BBS9: variants seen among roughly 807,000 people sequenced by gnomAD.
BBS9 encodes Bardet-Biedl syndrome 9, also known as protein PTHB1.
In BBS9, 89 loss-of-function variants were observed where a neutral mutation model predicts 117.7. The observed-to-expected ratio is 0.76, with a 90% CI of 0.64 to 0.90. The LOEUF is 0.90. BBS9 is among the 40% of genes least tolerant of loss of function. BBS9 has a pLI of 0.00. For synonymous variants in BBS9, 379 were observed against 370.9 expected, an observed-to-expected ratio of 1.02 and a Z score of -0.25; for missense variants, 982 against 1,042.2, an observed-to-expected ratio of 0.94 and a Z score of 0.80.
chr7:33,310,643 C>T (rs1198812819), intron 9 of BBS9, among the ~76,000 whole-genome samples: 2 of 152,180 alleles, frequency 1.3e-5, no homozygotes, highest in Non-Finnish European at 2.9e-5. Flanking sequence ...GGGAGCAGTT[C>T]CCTACCCCAG....
intron 9 of BBS9, among the ~76,000 whole-genome samples, chr7:33,286,908 A>G (rs1156270825): frequency 2.6e-5 from 4 of 152,148 alleles, no homozygotes; most frequent in African/African-American, 9.7e-5. Flanking sequence ...ATATTTTCTT[A>G]GTTGCTTACT....
intron 21 of BBS9, among the ~76,000 whole-genome samples, chr7:33,629,634 CAA>C (rs2129228181): frequency 6.6e-6 from 1 of 152,266 alleles, no homozygotes; most frequent in African/African-American, 2.4e-5. Flanking sequence ...AGTAGGAGCT[CAA>C]GTGATACTAT....
intron 2 of BBS9, among the ~76,000 whole-genome samples, chr7:33,150,801 T>G (rs1415331448): frequency 1.3e-5 from 2 of 152,224 alleles, no homozygotes; most frequent in African/African-American, 4.8e-5. Context: ...CATCAAGTGC[T>G]GTTTTGGAGG....
intron 9 of BBS9, among the ~76,000 whole-genome samples, chr7:33,325,364 A>G (rs1812620847): frequency 6.6e-6 from 1 of 152,060 alleles, no homozygotes; most frequent in Admixed American, 6.6e-5. Flanking sequence ...AATTTATCTG[A>G]TAGGATTCTC....
intron 19 of BBS9, among the ~76,000 whole-genome samples, chr7:33,455,182 C>A (rs978516868): frequency 6.6e-6 from 1 of 152,128 alleles, no homozygotes; most frequent in African/African-American, 2.4e-5. Flanking sequence ...AAAACCTTGG[C>A]AAATCACTTG....
At chr7:33,521,260 G>C (rs1271753717) in intron 20 of BBS9, among the ~76,000 whole-genome samples, 1 of 152,212 alleles carries the variant, frequency 6.6e-6, no homozygotes, top group Non-Finnish European at 1.5e-5. Context: ...ACTTACAAAA[G>C]GGATCAGAGT....
intron 9 of BBS9, among the ~76,000 whole-genome samples, chr7:33,333,298 G>A (rs1188435381): frequency 1.3e-5 from 2 of 152,090 alleles, no homozygotes; most frequent in African/African-American, 2.4e-5. Flanking sequence ...ACTTATAAGT[G>A]AGAACATACC....
At chr7:33,196,202 A>G (rs1784907300) in intron 5 of BBS9, among the ~76,000 whole-genome samples, 1 of 152,132 alleles carries the variant, frequency 6.6e-6, no homozygotes, top group Non-Finnish European at 1.5e-5. Flanking sequence ...TATTTTAAAA[A>G]ATTAAAAAAA....
rs1815418950 is a variant in BBS9, at chr7:33,336,612, C to T, written c.1188C>T (p.Asn396=). 1 of 1,605,860 alleles carries T rather than the reference C, an allele frequency of 6.2e-7. No homozygotes were observed. The highest frequency in any genetic ancestry group is 1.7e-5 in the Admixed American group (1 of 59,784). ...TTCAGAAAATCATCAAAGATGTTAA[C>T]AAATCACAAGGTATCTCATTTGCAG... The part of the protein sequence containing the change: ...KELQKIIKDV[N]KSQGVWPMTE... The change falls in exon 10 of 23, where the codon AAC becomes AAT. Residue 396 remains asparagine, a synonymous_variant. Transcript: ENST00000242067.
In BBS9 at chr7:33,161,707, C is replaced by T. The variant is rs144786834; in HGVS notation, c.328+6005C>T. ...TGAGGAATTGCCACACTGCCTTCCACGATGGTTGAACTAGTTTACACTCCC... is the reference window on the plus strand; with the variant it reads ...TGAGGAATTGCCACACTGCCTTCCATGATGGTTGAACTAGTTTACACTCCC... On this transcript the variant is annotated intron_variant, in intron 4 of 22. Transcript: ENST00000242067. Among the ~76,000 whole-genome samples, 180 of 152,290 alleles carry T rather than the reference C, an allele frequency of 1.2e-3. 1 individual carries two copies. The highest frequency in any genetic ancestry group is 4.0e-3 in the African/African-American group (166 of 41,556).
intron 20 of BBS9, among the ~76,000 whole-genome samples, chr7:33,521,693 C>T (rs149389879): frequency 6.6e-6 from 1 of 150,930 alleles, no homozygotes. Context: ...AACTTGCTTT[C>T]ATTTTTATGT....
rs555016608 is a variant in BBS9 at position 33,165,282 on chromosome 7, T to G, written c.328+9580T>G. Among the ~76,000 whole-genome samples, 8 of 152,310 alleles carry G rather than the reference T, an allele frequency of 5.3e-5. No individual in the cohort carries two copies. The South Asian group carries it at 1.7e-3, about 32-fold the overall frequency. On this transcript the variant is annotated intron_variant, in intron 4 of 22. Transcript: ENST00000242067. ...TAACATTTTTTCCTTCATTTCAACC[T>G]TGGTGAATCTGACAATTATGTGTCT...
At chr7:33,190,024 T>G (rs1217649041) in intron 5 of BBS9, among the ~76,000 whole-genome samples, 1 of 152,030 alleles carries the variant, frequency 6.6e-6, no homozygotes, top group Non-Finnish European at 1.5e-5. Flanking sequence ...GACTGGCTCT[T>G]TCTTCAATTT....
At chr7:33,139,888 G>A (rs1217523359) in intron 1 of BBS9, among the ~76,000 whole-genome samples, 1 of 152,088 alleles carries the variant, frequency 6.6e-6, no homozygotes, top group East Asian at 1.9e-4. Flanking sequence ...CCTTTATGGT[G>A]TATCAGGAGC....
chr7:33,253,980 A>G (rs1223287209), intron 5 of BBS9, among the ~76,000 whole-genome samples: 4 of 152,180 alleles, frequency 2.6e-5, no homozygotes. Flanking sequence ...AGCAGTTAGC[A>G]TCTCTGCCAA....
chr7:33,497,634 C>G (rs1346046792), intron 19 of BBS9, among the ~76,000 whole-genome samples: 1 of 152,148 alleles, frequency 6.6e-6, no homozygotes, highest in East Asian at 1.9e-4. Flanking sequence ...TTCTAGAGAA[C>G]AAGTCATACC....
At chr7:33,599,902 G>T (rs1005086732) in intron 21 of BBS9, among the ~76,000 whole-genome samples, 3 of 152,080 alleles carry the variant, frequency 2.0e-5, no homozygotes, top group African/African-American at 7.2e-5. Flanking sequence ...TAGACATCCT[G>T]CGCTGGTGGG....
At chr7:33,381,606 A>G (rs112773663) in intron 17 of BBS9, among the ~76,000 whole-genome samples, 56 of 152,304 alleles carry the variant, frequency 3.7e-4, no homozygotes, top group African/African-American at 1.2e-3. Context: ...CTAAAACATT[A>G]AAACTTCAGT....
chr7:33,434,826 G>T (rs941970309), intron 19 of BBS9, among the ~76,000 whole-genome samples: 4 of 152,122 alleles, frequency 2.6e-5, no homozygotes, highest in African/African-American at 9.7e-5. Flanking sequence ...AGTCTAAAAT[G>T]TACAATGATG....
Sources: allele counts gnomAD v4.1 joint callset (sites outside exome capture counted in the v4.1 genomes callset), GRCh38; gene constraint gnomAD v4.1.1; transcripts MANE v1.5; gene names NCBI Gene and HGNC (gene_info 2026-07-23, HGNC 2026-07-21).